Variants in TARBP1 observed in about 807,000 individuals in gnomAD.
TARBP1 encodes the protein tRNA guanosine 2 -O-methyltransferase TARBP1.
In TARBP1, 144 loss-of-function variants were observed where a neutral mutation model predicts 178.6. That is an observed-to-expected ratio of 0.81 (90% CI 0.70 to 0.93). The LOEUF (loss-of-function observed/expected upper bound fraction) is 0.93. Ranked by LOEUF, TARBP1 falls within the 40% of genes least tolerant of loss-of-function variation. TARBP1 has a pLI of 0.00. For synonymous variants in TARBP1, 787 were observed against 781.0 expected, an observed-to-expected ratio of 1.01 and a Z score of -0.13; for missense variants, 2,067 against 2,011.7, an observed-to-expected ratio of 1.03 and a Z score of -0.53.
intron 13 of TARBP1, 71 bp from the exon 14 acceptor site, chr1:234,433,642 G>C (rs1208632217): frequency 6.9e-7 from 1 of 1,440,564 alleles, no homozygotes; most frequent in Non-Finnish European, 9.4e-7. Context: ...CAAGCCTTCA[G>C]GCAGGAGAAG....
chr1:234,445,330 C>T (rs1053077622), intron 12 of TARBP1, among the ~76,000 whole-genome samples: 1 of 152,164 alleles, frequency 6.6e-6, no homozygotes, highest in Non-Finnish European at 1.5e-5. Context: ...ACACTTGCTC[C>T]CCTAACATTC....
At chr1:234,428,396 C>A (rs1664016917) in intron 17 of TARBP1, among the ~76,000 whole-genome samples, 1 of 152,108 alleles carries the variant, frequency 6.6e-6, no homozygotes, top group Non-Finnish European at 1.5e-5. Flanking sequence ...CTGACATTTG[C>A]CTTCAAGTAT....
chr1:234,410,621 C>T lies in TARBP1; in HGVS notation c.3706-90G>A, dbSNP rs967847303. 2.8e-5 allele frequency: 22 copies of T among 794,932 alleles called. 1 individual carries two copies. Among genetic ancestry groups the T allele is most frequent in the South Asian group, 1.9e-4 (12 of 62,674 alleles). 49.2% of individuals were successfully genotyped at this position (794,932 alleles called of 1,614,324 possible). A position where few individuals can be genotyped will look rare whatever the true frequency, so the allele number is the denominator to read the frequency against. Reference sequence around the variant, plus strand: ...CGCCGTGCTGGACTCTATGAGGGCCCAGGACAGGAGGCAGCCTCTTCCCTG... The same window carrying T: ...CGCCGTGCTGGACTCTATGAGGGCCTAGGACAGGAGGCAGCCTCTTCCCTG... On this transcript the variant is annotated intron_variant, in intron 22 of 29. Coordinates refer to ENST00000040877, the MANE Select transcript of TARBP1 (RefSeq NM_005646.4).
In TARBP1 at chr1:234,450,464, T is replaced by A. The variant is rs1217966131; in HGVS notation, c.1825A>T (p.Ile609Phe). 1 of 1,609,680 alleles carries A rather than the reference T, an allele frequency of 6.2e-7. No individual in the cohort carries two copies. The highest frequency in any genetic ancestry group is 2.2e-5 in the East Asian group (1 of 44,582). ...GATGACTTAACATACTCTTGAACAA[T>A]GCTCTTTACATAAGCATTTAAAGAT... The part of the protein sequence containing the change: ...KTSLNAYVKS[I>F]VQEYVKSSAW... Residue 609 changes from isoleucine (I) to phenylalanine (F), a missense_variant, in exon 10 of 30, where the codon ATT becomes TTT. Transcript: ENST00000040877.
rs544504786 is a variant in TARBP1, at chr1:234,476,350, A to G, written c.931+1823T>C. Among the ~76,000 whole-genome samples, 3 of 152,344 alleles carry G rather than the reference A, an allele frequency of 2.0e-5. No homozygotes were observed. In the South Asian group the frequency reaches 6.2e-4, roughly 32 times the overall value. ...ACTGACACAAGTGAGTAAAGCAAAAAAGAGGAAGATATGAACTACAGGAAA... is the reference window on the plus strand; with the variant it reads ...ACTGACACAAGTGAGTAAAGCAAAAGAGAGGAAGATATGAACTACAGGAAA... On this transcript the variant is annotated intron_variant, in intron 1 of 29. Transcript: ENST00000040877.
intron 24 of TARBP1, among the ~76,000 whole-genome samples, 178 bp from the exon 25 acceptor site, chr1:234,401,440 CACTT>C: frequency 6.6e-6 from 1 of 152,178 alleles, no homozygotes; most frequent in East Asian, 1.9e-4. Flanking sequence ...TAAAAACTGA[CACTT>C]AATAAATTTC....
At chr1:234,430,644 T>C (rs1664332238) in intron 14 of TARBP1, among the ~76,000 whole-genome samples, 1 of 152,164 alleles carries the variant, frequency 6.6e-6, no homozygotes, top group Admixed American at 6.5e-5. Context: ...TTGACCTTTC[T>C]CCTACTCGCA....
At position 234,478,946 on chromosome 1, in the gene TARBP1, C is replaced by G. The variant is rs1170766357; in HGVS notation, c.158G>C (p.Gly53Ala). 3.4e-6 allele frequency: 5 copies of G among 1,452,512 alleles called. No individual in the cohort carries two copies. In the African/African-American group the frequency reaches 7.4e-5, roughly 22 times the overall value. 90.0% of individuals were successfully genotyped at this position (1,452,512 alleles called of 1,614,324 possible). A position where few individuals can be genotyped will look rare whatever the true frequency, so the allele number is the denominator to read the frequency against. ...CGCCGCCTCCGGGAGCGCGCCTGCGCCCCCGCTGCCGCGCGCCTCCTCGTC... is the reference window on the plus strand; with the variant it reads ...CGCCGCCTCCGGGAGCGCGCCTGCGGCCCCGCTGCCGCGCGCCTCCTCGTC... The part of the protein sequence containing the change: ...LEDEEARGSG[G>A]AGALPEAARE... The change falls in exon 1 of 30, where the codon GGC becomes GCC. Residue 53 changes from glycine to alanine, a missense_variant. Physicochemically the swap from Gly to Ala is moderately conservative, Grantham distance 60. Coordinates refer to ENST00000040877, the MANE Select transcript of TARBP1 (RefSeq NM_005646.4).
chr1:234,393,794 G>A lies in TARBP1; in HGVS notation c.4287C>T (p.Asp1429=), dbSNP rs1134756. 163,398 of 1,600,788 alleles carry A rather than the reference G, an allele frequency of 0.1. 14,724 individuals are homozygous for A. Among genetic ancestry groups the A allele is most frequent in the African/African-American group, 0.46 (34,233 of 73,808 alleles). Residue 1429 remains aspartate (D), a synonymous_variant, in exon 27 of 30, where the codon GAC becomes GAT. Coordinates refer to ENST00000040877, the MANE Select transcript of TARBP1 (RefSeq NM_005646.4). ...VEADNQAEWT[D]VQKKIIPWNS... The stretch of plus-strand genomic sequence containing the variant: ...TCCACGGGATAATCTTCTTCTGAAC[G>A]TCGGTCCACTCCGCTTGGTTATCTG...
intron 12 of TARBP1, among the ~76,000 whole-genome samples, chr1:234,443,182 C>T (rs1385822769): frequency 2.6e-5 from 4 of 151,210 alleles, no homozygotes; most frequent in Admixed American, 1.3e-4. Flanking sequence ...CTCAGCTACT[C>T]GGGAGGCTGA....
chr1:234,406,577 AC>A, intron 23 of TARBP1: 1 of 163,380 alleles, frequency 6.1e-6, no homozygotes, highest in African/African-American at 2.4e-5. Context: ...TTTCTGAGCT[AC>A]TCTGTCTTCC....
At chr1:234,460,620 C>T (rs1381581025) in intron 6 of TARBP1, among the ~76,000 whole-genome samples, 1 of 152,116 alleles carries the variant, frequency 6.6e-6, no homozygotes, top group African/African-American at 2.4e-5. Context: ...AACGGTGCAG[C>T]CGCTGTGGAA....
intron 9 of TARBP1, among the ~76,000 whole-genome samples, chr1:234,453,736 A>G (rs1345447932): frequency 6.6e-6 from 1 of 151,682 alleles, no homozygotes; most frequent in African/African-American, 2.4e-5. Flanking sequence ...ATATACATAC[A>G]TGTAAGTGCT....
At chr1:234,472,959 C>T in intron 1 of TARBP1, 148 bp from the exon 2 acceptor site, 1 of 651,886 alleles carries the variant, frequency 1.5e-6, no homozygotes, top group Non-Finnish European at 2.6e-6. Context: ...GGATAGGGGG[C>T]TTGGGAATCT....
At chr1:234,471,282 T>A (rs201390620) in intron 2 of TARBP1, 25 bp from the exon 3 acceptor site, 1 of 1,475,296 alleles carries the variant, frequency 6.8e-7, no homozygotes, top group African/African-American at 1.4e-5. Context: ...AAAAAAATCA[T>A]ATGAAATGAA....
chr1:234,469,880 T>C (rs952726823), intron 3 of TARBP1, among the ~76,000 whole-genome samples: 15 of 152,194 alleles, frequency 9.9e-5, no homozygotes, highest in African/African-American at 3.6e-4. Context: ...AAGTACAAGA[T>C]ACAGAACAAT....
intron 21 of TARBP1, among the ~76,000 whole-genome samples, chr1:234,418,853 A>AT (rs990924817): frequency 1.3e-4 from 20 of 152,182 alleles, no homozygotes; most frequent in Non-Finnish European, 1.8e-4. Flanking sequence ...GTGAAAAACA[A>AT]TATCTACTTA....
intron 9 of TARBP1, among the ~76,000 whole-genome samples, chr1:234,453,518 C>G (rs181367049): frequency 1.3e-5 from 2 of 151,764 alleles, no homozygotes; most frequent in African/African-American, 2.4e-5. Flanking sequence ...TTTAATTTTT[C>G]TGGAAACCAA....
chr1:234,444,216 C>T (rs766436084), intron 12 of TARBP1, among the ~76,000 whole-genome samples: 1 of 138,144 alleles, frequency 7.2e-6, no homozygotes, highest in Non-Finnish European at 1.6e-5. Flanking sequence ...ACAAAAAAAG[C>T]GAGACTCAGC....
Sources: gnomAD v4.1 joint callset for allele counts (sites outside exome capture counted in the v4.1 genomes callset) on GRCh38, gnomAD v4.1.1 for gene constraint, MANE v1.5 for transcripts, NCBI Gene and HGNC (gene_info 2026-07-23, HGNC 2026-07-21) for gene names.